The following STARD9 variants were observed in gnomAD, a reference collection of about 807,000 sequenced individuals.
STARD9 encodes stAR-related lipid transfer protein 9.
In STARD9, 346 loss-of-function variants were observed where a neutral mutation model predicts 399.8. The observed-to-expected ratio is 0.87, with a 90% CI of 0.79 to 0.95. The LOEUF is 0.95. Ranked by LOEUF, STARD9 falls within the 40% of genes least tolerant of loss-of-function variation. The probability of loss-of-function intolerance (pLI) is 0.00; values close to 1 mark genes in which losing one functional copy is unlikely to be tolerated. For missense variants in STARD9, 5,832 were observed against 5,667.5 expected, an observed-to-expected ratio of 1.03 and a Z score of -0.93; for synonymous variants, 2,203 against 2,143.5, an observed-to-expected ratio of 1.03 and a Z score of -0.77.
chr15:42,608,731 C>T (rs2058786724), intron 3 of STARD9, among the ~76,000 whole-genome samples: 1 of 152,140 alleles, frequency 6.6e-6, no homozygotes, highest in Non-Finnish European at 1.5e-5. Context: ...CTTGTGAACA[C>T]AATCAAAAAT....
At chr15:42,699,392 C>CTTTTTTTTTT (rs34614271) in intron 26 of STARD9, among the ~76,000 whole-genome samples, 24 of 113,292 alleles carry the variant, frequency 2.1e-4, no homozygotes, top group African/African-American at 9.0e-4. Context: ...TTTTTCTTTT[C>CTTTTTTTTTT]TTTTTTTTTT....
At chr15:42,675,620 A>T in intron 18 of STARD9, 44 bp from the exon 19 acceptor site, 1 of 1,449,366 alleles carries the variant, frequency 6.9e-7, no homozygotes, top group Non-Finnish European at 9.4e-7. Flanking sequence ...TGTACTCCAA[A>T]ACATGAGCTG....
chr15:42,658,483 CT>C (rs533409304), intron 9 of STARD9, among the ~76,000 whole-genome samples: 366 of 134,992 alleles, frequency 2.7e-3, no homozygotes, highest in African/African-American at 4.2e-3. Context: ...GCCTTTTGCA[CT>C]TTTTTTTTTT....
At chr15:42,580,727 G>C (rs373189980) in intron 1 of STARD9, among the ~76,000 whole-genome samples, 2 of 152,082 alleles carry the variant, frequency 1.3e-5, no homozygotes, top group Non-Finnish European at 2.9e-5. Context: ...CAGGAGAATC[G>C]CTTGAACCCG....
rs2061435339 is a variant in STARD9 at position 42,720,624 on chromosome 15, T to G, written c.*1050T>G. On this transcript the variant is annotated 3_prime_UTR_variant, in exon 33 of 33. Transcript: ENST00000290607. Reference sequence around the variant, plus strand: ...TTAGCCTGGCTGAACATGAACTTTGTGTTTACCTGGAAGTGGTAGGGGTGG... The same window carrying G: ...TTAGCCTGGCTGAACATGAACTTTGGGTTTACCTGGAAGTGGTAGGGGTGG... 6.6e-6 allele frequency: 1 copy of G among 152,172 alleles called. No individual in the cohort carries two copies. The allele number at this position is 152,172 out of a possible 1,614,324, so 9.4% of individuals were successfully genotyped here.
chr15:42,607,208 T>TTG (rs1165185891), intron 3 of STARD9, among the ~76,000 whole-genome samples: 1 of 130,678 alleles, frequency 7.7e-6, no homozygotes, highest in East Asian at 2.3e-4. Flanking sequence ...TTTTTTTTTT[T>TTG]TTTTTTTTTT....
At position 42,674,979 on chromosome 15, in the gene STARD9, A is replaced by G; in HGVS notation, c.1687+15A>G. 1 of 1,513,098 alleles carries G rather than the reference A, an allele frequency of 6.6e-7. No homozygotes were observed. Among genetic ancestry groups the G allele is most frequent in the South Asian group, 1.3e-5 (1 of 79,500 alleles). The allele number at this position is 1,513,098 out of a possible 1,614,324, so 93.7% of individuals were successfully genotyped here. On this transcript the variant is annotated intron_variant, in intron 18 of 32. Coordinates refer to ENST00000290607, the MANE Select transcript of STARD9 (RefSeq NM_020759.3). The stretch of plus-strand genomic sequence containing the variant: ...TCTGACTCAAGGTAGGACTGTCTGT[A>G]GCCCTGTTTATCCCAAGATGAGTGA...
At chr15:42,672,302 A>G (rs1228069522) in intron 16 of STARD9, 5 of 152,176 alleles carry the variant, frequency 3.3e-5, no homozygotes, top group Admixed American at 3.3e-4. Context: ...CAGGTTACTG[A>G]TATGCTGGAC....
chr15:42,601,112 A>G (rs1406869068), intron 3 of STARD9, among the ~76,000 whole-genome samples: 1 of 152,020 alleles, frequency 6.6e-6, no homozygotes, highest in African/African-American at 2.4e-5. Flanking sequence ...AACAAAGCAC[A>G]TCTTGCACTG....
chr15:42,588,220 G>A (rs1391978487), intron 3 of STARD9, among the ~76,000 whole-genome samples: 2 of 152,000 alleles, frequency 1.3e-5, no homozygotes, highest in Non-Finnish European at 2.9e-5. Context: ...GTGTGTGTGT[G>A]TGTGTGTCTG....
chr15:42,707,857 G>A (rs2061123787), intron 26 of STARD9, among the ~76,000 whole-genome samples: 1 of 152,114 alleles, frequency 6.6e-6, no homozygotes, highest in Non-Finnish European at 1.5e-5. Context: ...TTGGATGGGA[G>A]TGTGAAATGG....
In STARD9 at chr15:42,663,291, C is replaced by T. The variant is rs1488028426; in HGVS notation, c.879C>T (p.Ser293=). 1 of 1,532,810 alleles carries T rather than the reference C, an allele frequency of 6.5e-7. No individual in the cohort carries two copies. The highest frequency in any genetic ancestry group is 8.7e-7 in the Non-Finnish European group (1 of 1,143,288). The allele number at this position is 1,532,810 out of a possible 1,614,324, so 95.0% of individuals were successfully genotyped here. A position where few individuals can be genotyped will look rare whatever the true frequency, so the allele number is the denominator to read the frequency against. Residue 293 remains serine (S), a synonymous_variant, in exon 12 of 33, where the codon TCC becomes TCT. Coordinates refer to ENST00000290607, the MANE Select transcript of STARD9 (RefSeq NM_020759.3). ...TTTTCATCTTTTAAGCCCAGAACTCCCAAGTTTTCAGCAGCTGCCAGAGCC... is the reference window on the plus strand; with the variant it reads ...TTTTCATCTTTTAAGCCCAGAACTCTCAAGTTTTCAGCAGCTGCCAGAGCC... ...GIVISTLAQN[S]QVFSSCQSLN... is the part of the protein sequence containing the mutation.
intron 20 of STARD9, among the ~76,000 whole-genome samples, chr15:42,678,826 T>C (rs2060365146): frequency 6.6e-6 from 1 of 152,138 alleles, no homozygotes. Flanking sequence ...TAGCCAGACA[T>C]GTAGTATAAG....
intron 3 of STARD9, among the ~76,000 whole-genome samples, chr15:42,593,654 CTTTTTTTTT>C (rs71108170): frequency 3.0e-5 from 2 of 66,890 alleles, no homozygotes; most frequent in African/African-American, 1.2e-4. Context: ...GGTTGTGCTT[CTTTTTTTTT>C]TTTTTTTTTT....
intron 24 of STARD9, 122 bp from the exon 25 acceptor site, chr15:42,695,018 C>A: frequency 1.1e-6 from 1 of 895,736 alleles, no homozygotes; most frequent in Non-Finnish European, 1.6e-6. Flanking sequence ...TACTTTAAAA[C>A]CCTGTGGGCA....
intron 18 of STARD9, among the ~76,000 whole-genome samples, chr15:42,675,345 C>T (rs986243537): frequency 3.3e-5 from 5 of 152,202 alleles, no homozygotes; most frequent in African/African-American, 4.8e-5. Context: ...CTTTAATTAC[C>T]GCTACTGTTA....
Position 42,691,255 on chromosome 15 carries a change from T to G in STARD9, c.9677T>G (p.Phe3226Cys). Reference sequence around the variant, plus strand: ...CAGGCTTCAGGTGGTGGAGAAGGCTTCGCCCAGGGTGTGAATCCCCTTCCT... The same window carrying G: ...CAGGCTTCAGGTGGTGGAGAAGGCTGCGCCCAGGGTGTGAATCCCCTTCCT... Reference protein sequence around the residue: ...RDQASGGGEGFAQGVNPLPDE... With the variant: ...RDQASGGGEGCAQGVNPLPDE... Residue 3226 changes from phenylalanine (F) to cysteine (C), a missense_variant, in exon 23 of 33, where the codon TTC (phenylalanine) becomes TGC (cysteine). This residue lies in a region of STARD9 where 5,828 missense variants were observed against 5,651.1 expected (regional missense o/e 1.03). Coordinates refer to ENST00000290607, the MANE Select transcript of STARD9 (RefSeq NM_020759.3). 6.5e-7 allele frequency: 1 copy of G among 1,537,240 alleles called. No individual in the cohort carries two copies. The highest frequency in any genetic ancestry group is 8.7e-7 in the Non-Finnish European group (1 of 1,146,894).
intron 21 of STARD9, 81 bp downstream of exon 21, chr15:42,681,693 CTTT>C: frequency 8.0e-7 from 1 of 1,243,098 alleles, no homozygotes; most frequent in Non-Finnish European, 1.1e-6. Flanking sequence ...TGTATTCTCT[CTTT>C]TGTTTTCTTT....
At chr15:42,595,157 CT>C (rs1168051083) in intron 3 of STARD9, among the ~76,000 whole-genome samples, 2 of 151,990 alleles carry the variant, frequency 1.3e-5, no homozygotes, top group Non-Finnish European at 2.9e-5. Context: ...GAGGAGGGAC[CT>C]TTGAGGGGCT....
Sources: allele counts gnomAD v4.1 joint callset (sites outside exome capture counted in the v4.1 genomes callset), GRCh38; gene constraint gnomAD v4.1.1; regional missense constraint gnomAD v4.1.1; transcripts MANE v1.5; gene names NCBI Gene and HGNC (gene_info 2026-07-23, HGNC 2026-07-21).